CCDC191: variants seen among roughly 807,000 people sequenced by gnomAD.
CCDC191 encodes coiled-coil domain containing 191.
Under a neutral mutation model 114.0 loss-of-function variants are expected in CCDC191, and 99 were observed. That is an observed-to-expected ratio of 0.87 (90% CI 0.74 to 1.03). The LOEUF (loss-of-function observed/expected upper bound fraction) is 1.03. CCDC191 is among the 50% of genes least tolerant of loss of function. CCDC191 has a pLI of 0.00. For missense variants in CCDC191, 973 were observed against 1,087.0 expected, an observed-to-expected ratio of 0.90 and a Z score of 1.47; for synonymous variants, 351 against 376.0, an observed-to-expected ratio of 0.93 and a Z score of 0.77.
chr3:114,036,661 C>T lies in CCDC191; in HGVS notation c.541G>A (p.Asp181Asn). The T allele has an allele frequency of 6.2e-7, 1 of 1,605,810 alleles. No homozygotes were observed. The highest frequency in any genetic ancestry group is 1.3e-5 in the African/African-American group (1 of 74,600). The change falls in exon 5 of 17, where the codon GAC becomes AAC. Residue 181 changes from aspartate to asparagine, a missense_variant. Coordinates refer to ENST00000295878, the MANE Select transcript of CCDC191 (RefSeq NM_020817.2). The stretch of plus-strand genomic sequence containing the variant: ...CGAGGATCCTTCTGCTGCTTCTTGT[C>T]TTGGTTTTCCTTCCTTCCAAGATCT... ...MEDLGRKENQ[D>N]KKQQKDPRLT...
Position 113,965,362 on chromosome 3 carries a change from TTAAGA to T in CCDC191, c.2607-8_2607-4del. On this transcript the variant is annotated splice_region_variant and splice_polypyrimidine_tract_variant and intron_variant, in intron 16 of 16. Coordinates refer to ENST00000295878, the MANE Select transcript of CCDC191 (RefSeq NM_020817.2). ...GAAGGGTGATCCAGAGGATCCTCCTTTAAGAATAAAGAAGGAAAAAAGTGAAATGT... is the reference window on the plus strand; with the variant it reads ...GAAGGGTGATCCAGAGGATCCTCCTTATAAAGAAGGAAAAAAGTGAAATGT... 6.5e-7 allele frequency: 1 copy of T among 1,549,792 alleles called. No individual in the cohort carries two copies. Among genetic ancestry groups the T allele is most frequent in the Non-Finnish European group, 8.7e-7 (1 of 1,149,152 alleles).
At chr3:113,989,087 C>T (rs1167691433) in intron 13 of CCDC191, among the ~76,000 whole-genome samples, 1 of 152,162 alleles carries the variant, frequency 6.6e-6, no homozygotes, top group African/African-American at 2.4e-5. Context: ...TGAGCCACTG[C>T]CCCTGGCCAT....
intron 11 of CCDC191, 142 bp downstream of exon 11, chr3:114,004,493 CAT>C (rs1156919006): frequency 2.1e-6 from 3 of 1,434,788 alleles, no homozygotes; most frequent in South Asian, 2.8e-5. Context: ...CCACTCCTCA[CAT>C]GTCTACCATT....
chr3:114,016,131 A>T (rs1397548216), intron 8 of CCDC191, among the ~76,000 whole-genome samples: 1 of 152,226 alleles, frequency 6.6e-6, no homozygotes, highest in Non-Finnish European at 1.5e-5. Context: ...AAAACAACTG[A>T]CATTTAAATA....
intron 8 of CCDC191, among the ~76,000 whole-genome samples, chr3:114,013,320 A>C (rs2076104896): frequency 6.6e-6 from 1 of 152,192 alleles, no homozygotes; most frequent in South Asian, 2.1e-4. Context: ...TTTGAGGCAG[A>C]AAGGCAGAAG....
At chr3:114,050,993 G>A (rs145454026) in intron 2 of CCDC191, among the ~76,000 whole-genome samples, 14 of 152,232 alleles carry the variant, frequency 9.2e-5, no homozygotes, top group Non-Finnish European at 1.8e-4. Context: ...GATTCTAGGT[G>A]ATTTCAATGT....
chr3:114,045,610 T>C (rs1202115593), intron 3 of CCDC191, among the ~76,000 whole-genome samples: 1 of 152,168 alleles, frequency 6.6e-6, no homozygotes, highest in African/African-American at 2.4e-5. Context: ...CCTGTCATAC[T>C]CAGAGTAAAA....
At chr3:113,978,750 T>C in intron 15 of CCDC191, 108 bp downstream of exon 15, 1 of 1,217,820 alleles carries the variant, frequency 8.2e-7, no homozygotes, top group South Asian at 1.5e-5. Context: ...ACTACTCTTT[T>C]GTTCTTGAAA....
intron 13 of CCDC191, 35 bp downstream of exon 13, chr3:114,001,560 A>G (rs775680084): frequency 6.2e-7 from 1 of 1,610,558 alleles, no homozygotes; most frequent in Admixed American, 1.7e-5. Context: ...AGCAAACCTC[A>G]AGATACAGGG....
chr3:114,051,026 T>A (rs1230552197), intron 2 of CCDC191, among the ~76,000 whole-genome samples: 4 of 152,174 alleles, frequency 2.6e-5, no homozygotes, highest in African/African-American at 7.2e-5. Context: ...ATCACCAACA[T>A]CTCAGCCTTG....
chr3:113,979,573 T>C (rs62265455), intron 14 of CCDC191, among the ~76,000 whole-genome samples: 14,695 of 152,252 alleles, frequency 0.097, 795 homozygotes, highest in East Asian at 0.13. Context: ...CAAATCAGAA[T>C]TTATAGATTT....
intron 7 of CCDC191, among the ~76,000 whole-genome samples, chr3:114,022,813 T>TA (rs1428184410): frequency 3.3e-5 from 5 of 151,810 alleles, no homozygotes; most frequent in African/African-American, 7.3e-5. Context: ...AAAAAATTAA[T>TA]AAAAAATGGG....
chr3:113,993,219 C>G (rs2107640444), intron 13 of CCDC191, among the ~76,000 whole-genome samples: 1 of 152,140 alleles, frequency 6.6e-6, no homozygotes, highest in East Asian at 1.9e-4. Flanking sequence ...ATCACTTGAG[C>G]CCAGGAGTTT....
intron 13 of CCDC191, among the ~76,000 whole-genome samples, chr3:113,999,824 C>A (rs1210494527): frequency 6.6e-6 from 1 of 152,118 alleles, no homozygotes; most frequent in Non-Finnish European, 1.5e-5. Context: ...ATTTAAGTTA[C>A]TAATATTATA....
intron 1 of CCDC191, among the ~76,000 whole-genome samples, chr3:114,055,677 G>A (rs1477602095): frequency 6.6e-6 from 1 of 152,150 alleles, no homozygotes; most frequent in Admixed American, 6.5e-5. Flanking sequence ...GCATCTTTTT[G>A]GGGACTGTTA....
chr3:114,047,370 G>A (rs909101580), intron 2 of CCDC191, among the ~76,000 whole-genome samples: 1 of 152,150 alleles, frequency 6.6e-6, no homozygotes, highest in Non-Finnish European at 1.5e-5. Flanking sequence ...GAATAAAAAC[G>A]CTTATATTAG....
intron 7 of CCDC191, among the ~76,000 whole-genome samples, chr3:114,030,053 A>G (rs1450822837): frequency 6.6e-6 from 1 of 152,216 alleles, no homozygotes; most frequent in Non-Finnish European, 1.5e-5. Context: ...CAGTGTACCA[A>G]TGCTAATTTC....
intron 13 of CCDC191, among the ~76,000 whole-genome samples, chr3:113,986,737 T>G (rs1195073568): frequency 6.6e-6 from 1 of 152,142 alleles, no homozygotes; most frequent in African/African-American, 2.4e-5. Flanking sequence ...CAGCCCTAAT[T>G]GGACAGAATT....
chr3:113,989,323 G>A (rs2075478532), intron 13 of CCDC191, among the ~76,000 whole-genome samples: 1 of 152,146 alleles, frequency 6.6e-6, no homozygotes, highest in Non-Finnish European at 1.5e-5. Context: ...CATTTCTAGA[G>A]CAGACCAATG....
Sources: allele counts gnomAD v4.1 joint callset (sites outside exome capture counted in the v4.1 genomes callset), GRCh38; gene constraint gnomAD v4.1.1; transcripts MANE v1.5; gene names NCBI Gene and HGNC (gene_info 2026-07-23, HGNC 2026-07-21).